Variants in ATG10 observed in about 807,000 individuals in gnomAD.
ATG10 encodes the protein autophagy related 10.
In ATG10, 30 loss-of-function variants were observed where a neutral mutation model predicts 32.1. The ratio of observed to expected loss-of-function variants is 0.94; its 90% CI spans 0.70 to 1.27. The LOEUF (loss-of-function observed/expected upper bound fraction) is 1.27. Among genes scored for constraint, ATG10 ranks in the 50% most tolerant of loss-of-function variants. The pLI is 0.00. For missense variants in ATG10, 233 were observed against 262.3 expected (o/e 0.89, Z 0.77); for synonymous variants, 87 against 91.5 (o/e 0.95, Z 0.28).
In ATG10 at chr5:82,053,403, T is replaced by C. The variant is rs187744572; in HGVS notation, c.109-5092T>C. Among the ~76,000 whole-genome samples the C allele has an allele frequency of 8.3e-4, 126 of 152,282 alleles. 1 individual carries two copies. The East Asian group carries it at 0.018, about 22-fold the overall frequency. On this transcript the variant is annotated intron_variant, in intron 2 of 7. Coordinates refer to ENST00000282185, the MANE Select transcript of ATG10 (RefSeq NM_031482.5). ...TATATTGAAAAAATTAGTTCTTTTCTATGATATGAGCTACAAATGCTTTTT... is the reference window on the plus strand; with the variant it reads ...TATATTGAAAAAATTAGTTCTTTTCCATGATATGAGCTACAAATGCTTTTT...
intron 2 of ATG10, among the ~76,000 whole-genome samples, chr5:82,042,253 G>A (rs1386144730): frequency 6.6e-6 from 1 of 152,188 alleles, no homozygotes; most frequent in Non-Finnish European, 1.5e-5. Context: ...GCAGGAGAGA[G>A]AGAGAGAGCA....
intron 5 of ATG10, among the ~76,000 whole-genome samples, chr5:82,225,479 T>A (rs1746090067): frequency 6.6e-6 from 1 of 152,242 alleles, no homozygotes; most frequent in Non-Finnish European, 1.5e-5. Flanking sequence ...AGATGCTCTC[T>A]GGAAAGGTAA....
At chr5:82,034,624 G>T (rs759189030) in intron 2 of ATG10, among the ~76,000 whole-genome samples, 1 of 151,962 alleles carries the variant, frequency 6.6e-6, no homozygotes, top group Non-Finnish European at 1.5e-5. Flanking sequence ...GGTTCCTCTC[G>T]TCTTTCTTCT....
intron 5 of ATG10, among the ~76,000 whole-genome samples, chr5:82,186,418 TG>T (rs1314527527): frequency 6.6e-6 from 1 of 152,198 alleles, no homozygotes; most frequent in Non-Finnish European, 1.5e-5. Context: ...AGATATACTC[TG>T]TTTGTTATAT....
intron 3 of ATG10, among the ~76,000 whole-genome samples, chr5:82,151,120 T>A (rs1312346124): frequency 6.6e-6 from 1 of 152,192 alleles, no homozygotes; most frequent in Non-Finnish European, 1.5e-5. Flanking sequence ...AAACAATCCA[T>A]TGAGATGTGA....
At chr5:82,226,286 C>T (rs6895884) in intron 5 of ATG10, among the ~76,000 whole-genome samples, 130,707 of 152,256 alleles carry the variant, frequency 0.86, 56,485 homozygotes, top group East Asian at 1. Flanking sequence ...GTAGTTGTTA[C>T]GTTAAAGAGA....
In ATG10 at chr5:82,221,058, T is replaced by C. The variant is rs1035900869; in HGVS notation, c.454-31504T>C. Among the ~76,000 whole-genome samples the C allele has an allele frequency of 2.6e-5, 4 of 152,144 alleles. No individual in the cohort carries two copies. In the East Asian group the frequency reaches 7.7e-4, roughly 29 times the overall value. On this transcript the variant is annotated intron_variant, in intron 5 of 7. Coordinates refer to ENST00000282185, the MANE Select transcript of ATG10 (RefSeq NM_031482.5). ...AGGCATGAGCCACTGTGCCCGGCCTTCCATCTCTTTTATGGTTTCTATATA... is the reference window on the plus strand; with the variant it reads ...AGGCATGAGCCACTGTGCCCGGCCTCCCATCTCTTTTATGGTTTCTATATA...
intron 3 of ATG10, among the ~76,000 whole-genome samples, chr5:82,071,175 A>G (rs1764120469): frequency 6.6e-6 from 1 of 152,122 alleles, no homozygotes; most frequent in Admixed American, 6.6e-5. Flanking sequence ...TCCAGAGAGG[A>G]GGCATGGGGC....
intron 5 of ATG10, among the ~76,000 whole-genome samples, chr5:82,217,090 T>C (rs577235247): frequency 6.6e-6 from 1 of 151,828 alleles, no homozygotes; most frequent in African/African-American, 2.4e-5. Context: ...AACAACTATC[T>C]TCTCTTTTTA....
Position 82,255,009 on chromosome 5 carries a change from G to C in ATG10, c.*946G>C, listed in dbSNP as rs1747414639. 1 of 151,960 alleles carries C rather than the reference G, an allele frequency of 6.6e-6. No homozygotes were observed. The highest frequency in any genetic ancestry group is 1.5e-5 in the Non-Finnish European group (1 of 67,978). The allele number at this position is 151,960 out of a possible 1,614,324, so 9.4% of individuals were successfully genotyped here. A position where few individuals can be genotyped will look rare whatever the true frequency, so the allele number is the denominator to read the frequency against. ...ATAATATGTTTTACCAGCAAAGTGT[G>C]GCATAGTAATTAGAAGTTTTCTAAA... On this transcript the variant is annotated 3_prime_UTR_variant, in exon 8 of 8. Coordinates refer to ENST00000282185, the MANE Select transcript of ATG10 (RefSeq NM_031482.5).
At chr5:81,983,210 GGGCGACT>G (rs1472047401) in intron 1 of ATG10, among the ~76,000 whole-genome samples, 1 of 150,162 alleles carries the variant, frequency 6.7e-6, no homozygotes, top group Non-Finnish European at 1.5e-5. Flanking sequence ...CTCCCGGACG[GGGCGACT>G]GGCCGGGCTG....
At position 82,057,954 on chromosome 5, in the gene ATG10, A is replaced by G. The variant is rs149112566; in HGVS notation, c.109-541A>G. Among the ~76,000 whole-genome samples the G allele has an allele frequency of 5.2e-4, 79 of 152,282 alleles. No homozygotes were observed. In the East Asian group the frequency reaches 8.7e-3, roughly 17 times the overall value. On this transcript the variant is annotated intron_variant, in intron 2 of 7. Coordinates refer to ENST00000282185, the MANE Select transcript of ATG10 (RefSeq NM_031482.5). ...CAGGACAAAACTTTCTTAATGTACA[A>G]TGCACTAAAATGGAAATGACCGCTG...
chr5:82,250,674 T>C (rs1023509027), intron 5 of ATG10, among the ~76,000 whole-genome samples: 2 of 152,186 alleles, frequency 1.3e-5, no homozygotes, highest in African/African-American at 4.8e-5. Context: ...CTTATAATTA[T>C]CTGGATTATC....
chr5:82,006,948 G>A (rs1332227831), intron 2 of ATG10, among the ~76,000 whole-genome samples: 3 of 152,102 alleles, frequency 2.0e-5, no homozygotes, highest in Admixed American at 1.3e-4. Flanking sequence ...CTGCCTCCTA[G>A]GTTCAAGTGA....
intron 5 of ATG10, among the ~76,000 whole-genome samples, chr5:82,236,718 G>T (rs1420665837): frequency 1.3e-5 from 2 of 152,140 alleles, no homozygotes; most frequent in South Asian, 2.1e-4. Flanking sequence ...GTTTGTTGTT[G>T]TTGTTTAAAC....
chr5:81,972,535 C>G (rs1760753178), intron 1 of ATG10: 1 of 152,258 alleles, frequency 6.6e-6, no homozygotes, highest in African/African-American at 2.4e-5. Context: ...GACCCGGTCC[C>G]CGTCGCGCAC....
intron 3 of ATG10, 83 bp from the exon 4 acceptor site, chr5:82,164,316 A>G (rs1021661862): frequency 1.5e-6 from 2 of 1,320,654 alleles, no homozygotes; most frequent in Admixed American, 3.9e-5. Context: ...ATTTTGTGAG[A>G]AGAAAATCTC....
In ATG10 at chr5:82,077,002, G is replaced by A. The variant is rs369463820; in HGVS notation, c.216+18400G>A. Among the ~76,000 whole-genome samples, 53 of 152,294 alleles carry A rather than the reference G, an allele frequency of 3.5e-4. No individual in the cohort carries two copies. The South Asian group carries it at 0.011, about 30-fold the overall frequency. On this transcript the variant is annotated intron_variant, in intron 3 of 7. Coordinates refer to ENST00000282185, the MANE Select transcript of ATG10 (RefSeq NM_031482.5). Reference sequence around the variant, plus strand: ...AGATTTGAGGTTTGGTAAATGATAGGTGTCTTCAGGGAGAAGGGAGAACAA... The same window carrying A: ...AGATTTGAGGTTTGGTAAATGATAGATGTCTTCAGGGAGAAGGGAGAACAA...
intron 4 of ATG10, among the ~76,000 whole-genome samples, chr5:82,168,810 A>G (rs752627090): frequency 9.2e-5 from 14 of 152,330 alleles, no homozygotes; most frequent in Middle Eastern, 6.8e-3. Flanking sequence ...CAGCATATAA[A>G]TCATCAAGCA....
Sources: gnomAD v4.1 joint callset for allele counts (sites outside exome capture counted in the v4.1 genomes callset) on GRCh38, gnomAD v4.1.1 for gene constraint, MANE v1.5 for transcripts, NCBI Gene and HGNC (gene_info 2026-07-23, HGNC 2026-07-21) for gene names.